EP300: variants seen among roughly 807,000 people sequenced by gnomAD.
EP300 encodes the protein histone acetyltransferase p300.
A neutral mutation model predicts 264.0 loss-of-function variants in EP300; 31 were observed. The observed-to-expected ratio is 0.12, with a 90% CI of 0.09 to 0.16. The LOEUF (loss-of-function observed/expected upper bound fraction) is 0.16, where lower values mean the gene tolerates loss of function less well. EP300 is among the 10% of genes least tolerant of loss of function. The probability of loss-of-function intolerance (pLI) is 1.00; values close to 1 mark genes in which losing one functional copy is unlikely to be tolerated. For synonymous variants in EP300, 1,340 were observed against 1,045.4 expected (o/e 1.28, Z -5.44); for missense variants, 2,766 against 3,052.9 (o/e 0.91, Z 2.21).
rs59721178 is a variant in EP300, at chr22:41,179,880, TCACACA to T, written c.*962_*967del. Reference sequence around the variant, plus strand: ...TCTTCCTCCTTACCCTACCCCCCACTCACACACACACACACACACACACACACACAC... The same window carrying T: ...TCTTCCTCCTTACCCTACCCCCCACTCACACACACACACACACACACACAC... On this transcript the variant is annotated 3_prime_UTR_variant, in exon 31 of 31. Transcript: ENST00000263253. 16,628 of 166,780 alleles carry T rather than the reference TCACACA, an allele frequency of 0.1. 1,366 individuals are homozygous for T. Among genetic ancestry groups the T allele is most frequent in the Non-Finnish European group, 0.14 (11,592 of 80,472 alleles). 10.3% of individuals were successfully genotyped at this position (166,780 alleles called of 1,614,324 possible).
Position 41,178,308 on chromosome 22 carries a change from A to C in EP300, c.6597A>C (p.Pro2199=). ...AGCAGCAGCAACAGGGAGCAGGGCCAGGAATAGGCCCTGGAATGGCCAACC... is the reference window on the plus strand; with the variant it reads ...AGCAGCAGCAACAGGGAGCAGGGCCCGGAATAGGCCCTGGAATGGCCAACC... ...MQQQQQQGAG[P]GIGPGMANHN... The change falls in exon 31 of 31, where the codon CCA becomes CCC. Residue 2199 remains proline, a synonymous_variant. Transcript: ENST00000263253. 6.2e-7 allele frequency: 1 copy of C among 1,614,208 alleles called. No homozygotes were observed. The highest frequency in any genetic ancestry group is 8.5e-7 in the Non-Finnish European group (1 of 1,180,034).
chr22:41,147,588 A>G (rs1048348924), intron 11 of EP300, among the ~76,000 whole-genome samples: 2 of 151,980 alleles, frequency 1.3e-5, no homozygotes, highest in African/African-American at 4.8e-5. Context: ...AATACAAAAA[A>G]TTAGCTGGGT....
chr22:41,156,037 G>A (rs1399858684), intron 17 of EP300, among the ~76,000 whole-genome samples: 2 of 151,942 alleles, frequency 1.3e-5, no homozygotes, highest in Non-Finnish European at 2.9e-5. Flanking sequence ...TTGAGATGGA[G>A]TTTCACTCTT....
chr22:41,130,101 T>G (rs961525173), intron 5 of EP300, 98 bp downstream of exon 5: 25 of 852,752 alleles, frequency 2.9e-5, no homozygotes, highest in African/African-American at 1.5e-4. Context: ...ACCTGTGGTG[T>G]TGTACTATGT....
intron 19 of EP300, chr22:41,159,553 G>T (rs2059096504): frequency 6.6e-6 from 1 of 152,162 alleles, no homozygotes; most frequent in Non-Finnish European, 1.5e-5. Flanking sequence ...AGTCTAAAGT[G>T]TTTATCTTTG....
chr22:41,125,741 C>T, intron 2 of EP300, 123 bp from the exon 3 acceptor site: 4 of 1,081,298 alleles, frequency 3.7e-6, no homozygotes, highest in Non-Finnish European at 2.7e-6. Flanking sequence ...AGTGTCTTTT[C>T]TAATAGAAGC....
Position 41,162,871 on chromosome 22 carries a change from T to TTTC in EP300, c.3728+92_3728+93insTTC, listed in dbSNP as rs2059115370. The stretch of plus-strand genomic sequence containing the variant: ...GTTTGCATGACCAATCAGATGATCC[T>TTTC]ATATTCTTGGGCTAAATCTACATAA... On this transcript the variant is annotated intron_variant, in intron 21 of 30. Coordinates refer to ENST00000263253, the MANE Select transcript of EP300 (RefSeq NM_001429.4). The TTTC allele has an allele frequency of 5.5e-6, 6 of 1,094,838 alleles. No homozygotes were observed. In the East Asian group the frequency reaches 1.4e-4, roughly 26 times the overall value. 67.8% of individuals were successfully genotyped at this position (1,094,838 alleles called of 1,614,324 possible). A position where few individuals can be genotyped will look rare whatever the true frequency, so the allele number is the denominator to read the frequency against.
chr22:41,145,512 C>T lies in EP300; in HGVS notation c.2054-1227C>T, dbSNP rs190485799. On this transcript the variant is annotated intron_variant, in intron 10 of 30. Transcript: ENST00000263253. ...GGTGGAGCCAGGTCACTACAGACAT[C>T]TGTCCTTTCCGAGGGTGCTGTAAAA... Among the ~76,000 whole-genome samples, 252 of 152,354 alleles carry T rather than the reference C, an allele frequency of 1.7e-3. 1 individual carries two copies. The highest frequency in any genetic ancestry group is 2.0e-3 in the Non-Finnish European group (137 of 68,036).
At chr22:41,126,251 G>T in intron 3 of EP300, 2 of 574,654 alleles carry the variant, frequency 3.5e-6, no homozygotes, top group Non-Finnish European at 6.2e-6. Flanking sequence ...CAGTGAGCAT[G>T]TTGATCCAAA....
chr22:41,130,553 CA>C, intron 5 of EP300, among the ~76,000 whole-genome samples: 1 of 147,606 alleles, frequency 6.8e-6, no homozygotes, highest in South Asian at 2.1e-4. Flanking sequence ...CAAAACAAAA[CA>C]AAAAAAACAA....
At chr22:41,160,980 C>T (rs1247354904) in intron 20 of EP300, among the ~76,000 whole-genome samples, 1 of 152,164 alleles carries the variant, frequency 6.6e-6, no homozygotes, top group African/African-American at 2.4e-5. Flanking sequence ...TAGTAGAAAG[C>T]TCTTTGAGAC....
At chr22:41,142,859 C>G (rs1309436688) in intron 10 of EP300, among the ~76,000 whole-genome samples, 2 of 152,018 alleles carry the variant, frequency 1.3e-5, no homozygotes, top group African/African-American at 2.4e-5. Context: ...GCACTCCAGC[C>G]TGGGCAACAG....
In EP300 at chr22:41,150,131, A is replaced by G; in HGVS notation, c.2750A>G (p.Gln917Arg). The change falls in exon 14 of 31, where the codon CAG becomes CGG. Residue 917 changes from glutamine to arginine, a missense_variant. Transcript: ENST00000263253. The stretch of plus-strand genomic sequence containing the variant: ...CAGCCCCAGCAGCAGCCTCGCTCAC[A>G]GCAGAGCACAGCAGCGTCTGTTCCT... ...ADQPQQQPRS[Q>R]QSTAASVPTP... is the part of the protein sequence containing the mutation. 1 of 1,612,742 alleles carries G rather than the reference A, an allele frequency of 6.2e-7. No homozygotes were observed. Among genetic ancestry groups the G allele is most frequent in the South Asian group, 1.1e-5 (1 of 91,080 alleles).
At chr22:41,176,746 T>C (rs1217405544) in intron 30 of EP300, 27 bp from the exon 31 acceptor site, 1 of 1,613,740 alleles carries the variant, frequency 6.2e-7, no homozygotes, top group Admixed American at 1.7e-5. Flanking sequence ...TTGGAGAGTT[T>C]ACGTGCACCT....
At chr22:41,141,955 G>C (rs573549800) in intron 10 of EP300, among the ~76,000 whole-genome samples, 35 of 152,210 alleles carry the variant, frequency 2.3e-4, no homozygotes, top group Admixed American at 5.2e-4. Context: ...AGGATTACAG[G>C]CATGAGCCAC....
chr22:41,134,502 C>T (rs1380782371), intron 6 of EP300, among the ~76,000 whole-genome samples: 4 of 152,034 alleles, frequency 2.6e-5, no homozygotes, highest in Non-Finnish European at 4.4e-5. Flanking sequence ...TCAAGCGGTA[C>T]TCCCACCTCA....
chr22:41,167,814 G>GT lies in EP300; in HGVS notation c.3875-624dup, dbSNP rs1555911003. Among the ~76,000 whole-genome samples the GT allele has an allele frequency of 2.7e-3, 178 of 66,224 alleles. 4 individuals carry two copies. The highest frequency in any genetic ancestry group is 0.015 in the South Asian group (21 of 1,388). The allele number at this position is 66,224 out of a possible 152,430, so 43.4% of individuals were successfully genotyped here. A position where few individuals can be genotyped will look rare whatever the true frequency, so the allele number is the denominator to read the frequency against. ...CATTGTTCTATTTCTGTTTGTTTTTGTTTTTTTTTTTGTTTTTTTTTTTTT... is the reference window on the plus strand; with the variant it reads ...CATTGTTCTATTTCTGTTTGTTTTTGTTTTTTTTTTTTGTTTTTTTTTTTTT... On this transcript the variant is annotated intron_variant, in intron 23 of 30. Transcript: ENST00000263253.
intron 25 of EP300, 169 bp from the exon 26 acceptor site, chr22:41,169,334 C>T: frequency 1.6e-6 from 1 of 635,780 alleles, no homozygotes; most frequent in East Asian, 2.7e-5. Context: ...CTGAACTTCC[C>T]TGAAGGGTTC....
intron 20 of EP300, among the ~76,000 whole-genome samples, chr22:41,161,018 A>G (rs1222211953): frequency 6.6e-6 from 1 of 152,246 alleles, no homozygotes; most frequent in African/African-American, 2.4e-5. Context: ...TATGTCAGCA[A>G]TGGGCAATCA....
Sources: gnomAD v4.1 joint callset for allele counts (sites outside exome capture counted in the v4.1 genomes callset) on GRCh38, gnomAD v4.1.1 for gene constraint, MANE v1.5 for transcripts, NCBI Gene and HGNC (gene_info 2026-07-23, HGNC 2026-07-21) for gene names.